SPATA22: variants seen among roughly 807,000 people sequenced by gnomAD.
SPATA22 encodes the protein spermatogenesis-associated protein 22.
A neutral mutation model predicts 47.8 loss-of-function variants in SPATA22; 29 were observed. The ratio of observed to expected loss-of-function variants is 0.61; its 90% CI spans 0.45 to 0.83. The LOEUF is 0.83. SPATA22 is among the 40% of genes least tolerant of loss of function. The pLI is 0.00. For missense variants in SPATA22, 410 were observed against 421.7 expected (o/e 0.97, Z 0.24); for synonymous variants, 133 against 140.9 (o/e 0.94, Z 0.40).
chr17:3,461,634 T>C (rs1424181782), intron 5 of SPATA22, among the ~76,000 whole-genome samples: 1 of 152,160 alleles, frequency 6.6e-6, no homozygotes, highest in Admixed American at 6.5e-5. Flanking sequence ...AAATCAAAAC[T>C]AATTTTTAAA....
chr17:3,442,659 A>G (rs2072623799), intron 8 of SPATA22, among the ~76,000 whole-genome samples: 1 of 151,978 alleles, frequency 6.6e-6, no homozygotes, highest in South Asian at 2.1e-4. Context: ...AGTTCCCTGA[A>G]CAAGTGAAGC....
intron 5 of SPATA22, among the ~76,000 whole-genome samples, chr17:3,452,539 C>T (rs765564704): frequency 1.3e-5 from 2 of 151,636 alleles, no homozygotes; most frequent in Admixed American, 6.6e-5. Context: ...TGCAGTGAGC[C>T]GAGATCGTGC....
chr17:3,481,628 T>A (rs775451292), intron 1 of SPATA22: 1 of 1,613,772 alleles, frequency 6.2e-7, no homozygotes, highest in South Asian at 1.1e-5. Context: ...AGATTTGCCA[T>A]ATGAAGTGAG....
In SPATA22 at chr17:3,477,874, G is replaced by A. The variant is rs367748278; in HGVS notation, c.-73-8476C>T. On this transcript the variant is annotated intron_variant, in intron 1 of 8. Transcript: ENST00000541913. ...GTTTCTACCCCTCAAGGAGTTGGTA[G>A]ACTACTAGCTAAGATATAAGATACA... 3.9e-5 allele frequency among the ~76,000 whole-genome samples: 6 copies of A among 152,144 alleles called. No individual in the cohort carries two copies. In the East Asian group the frequency reaches 9.7e-4, roughly 25 times the overall value.
At chr17:3,500,413 G>A (rs1252226457) in intron 1 of SPATA22, 2 of 152,222 alleles carry the variant, frequency 1.3e-5, no homozygotes, top group African/African-American at 4.8e-5. Flanking sequence ...AGCTTCAAAG[G>A]ACAGCCTGAC....
rs1964623 is a variant in SPATA22 at position 3,488,572 on chromosome 17, G to C, written c.-73-19174C>G. On this transcript the variant is annotated intron_variant, in intron 1 of 8. Transcript: ENST00000541913. This position sits in a 1 kb window ranked among gnomAD's most constrained non-coding sequence, Gnocchi z 6.1. ...CTCGGGAGGCTGAGGCAGAAGAATC[G>C]CTTGAACCTGGGAGGCAGAGGTTGC... Among the ~76,000 whole-genome samples the C allele has an allele frequency of 6.6e-6, 1 of 151,962 alleles. No homozygotes were observed.
At chr17:3,467,241 C>T (rs2073335006) in intron 3 of SPATA22, among the ~76,000 whole-genome samples, 185 bp downstream of exon 3, 1 of 152,102 alleles carries the variant, frequency 6.6e-6, no homozygotes, top group Non-Finnish European at 1.5e-5. Context: ...TGCTAAGCCA[C>T]CCTTGTAGAT....
intron 1 of SPATA22, among the ~76,000 whole-genome samples, chr17:3,492,283 G>A (rs904662545): frequency 1.3e-5 from 2 of 152,178 alleles, no homozygotes; most frequent in African/African-American, 2.4e-5. Flanking sequence ...AGAACAATAC[G>A]GAGAATACTC....
chr17:3,446,698 G>A, intron 6 of SPATA22, 97 bp from the exon 7 acceptor site: 1 of 982,696 alleles, frequency 1.0e-6, no homozygotes, highest in South Asian at 1.9e-5. Context: ...CCTTACAATG[G>A]ACAAGTGTGT....
At chr17:3,481,834 G>T in intron 1 of SPATA22, 1 of 1,522,340 alleles carries the variant, frequency 6.6e-7, no homozygotes, top group East Asian at 2.4e-5. Flanking sequence ...AGTTAGCAAA[G>T]GACTTGTACT....
intron 1 of SPATA22, chr17:3,512,987 T>A (rs1308934904): frequency 2.0e-5 from 3 of 152,042 alleles, no homozygotes; most frequent in African/African-American, 7.3e-5. Flanking sequence ...CGCGCTACTG[T>A]GAGGTCAGGA....
chr17:3,481,599 A>G, intron 1 of SPATA22: 3 of 1,612,694 alleles, frequency 1.9e-6, no homozygotes, highest in East Asian at 4.5e-5. Flanking sequence ...TCTGCTTATA[A>G]CAGCAAAAAA....
At chr17:3,454,760 G>A (rs1265677934) in intron 5 of SPATA22, among the ~76,000 whole-genome samples, 6 of 152,006 alleles carry the variant, frequency 3.9e-5, no homozygotes, top group Admixed American at 2.6e-4. Flanking sequence ...CAATAAACAT[G>A]CGTGTGCATG....
intron 1 of SPATA22, among the ~76,000 whole-genome samples, chr17:3,493,721 A>G (rs2073863882): frequency 6.6e-6 from 1 of 152,122 alleles, no homozygotes; most frequent in African/African-American, 2.4e-5. Flanking sequence ...AGGTCAAGAA[A>G]GCGAGCCTCA....
upstream of SPATA22, chr17:3,476,198 G>A: frequency 6.2e-7 from 1 of 1,614,008 alleles, no homozygotes; most frequent in Non-Finnish European, 8.5e-7. Context: ...ATATACAAAA[G>A]GTTGCTATCT....
chr17:3,479,518 C>T (rs1234929794), intron 1 of SPATA22, among the ~76,000 whole-genome samples: 1 of 152,128 alleles, frequency 6.6e-6, no homozygotes, highest in Non-Finnish European at 1.5e-5. Context: ...GCTGATGGAG[C>T]GGCCACATGA....
intron 1 of SPATA22, among the ~76,000 whole-genome samples, chr17:3,470,945 G>C (rs947329103): frequency 6.6e-6 from 1 of 150,828 alleles, no homozygotes; most frequent in South Asian, 2.1e-4. Flanking sequence ...ACCTGAGGTC[G>C]GGAGTTCAAG....
intron 1 of SPATA22, chr17:3,500,475 TA>T (rs2073975921): frequency 6.6e-6 from 1 of 152,030 alleles, no homozygotes; most frequent in African/African-American, 2.4e-5. Context: ...CAAAGCTCAT[TA>T]ACTGTTTCAA....
At chr17:3,493,485 C>T (rs188526740) in intron 1 of SPATA22, among the ~76,000 whole-genome samples, 60 of 128,538 alleles carry the variant, frequency 4.7e-4, no homozygotes, top group Middle Eastern at 5.8e-3. Flanking sequence ...CGCTTGAACC[C>T]GGGAGGTGGA....
Sources: gnomAD v4.1 joint callset for allele counts (sites outside exome capture counted in the v4.1 genomes callset) on GRCh38, gnomAD v4.1.1 for gene constraint, Gnocchi (gnomAD v3.1) non-coding constraint, MANE v1.5 for transcripts, NCBI Gene and HGNC (gene_info 2026-07-23, HGNC 2026-07-21) for gene names.